Variants in UST observed in about 807,000 individuals in gnomAD.
UST encodes the protein uronyl 2-sulfotransferase, also known as chondroitin sulfate 2-O-sulfotransferase.
A neutral mutation model predicts 45.6 loss-of-function variants in UST; 21 were observed. The observed-to-expected ratio is 0.46, with a 90% CI of 0.33 to 0.66. The LOEUF is 0.66. Ranked by LOEUF, UST falls within the 30% of genes least tolerant of loss-of-function variation. UST has a pLI of 0.02. For synonymous variants in UST, 215 were observed against 200.6 expected, an observed-to-expected ratio of 1.07 and a Z score of -0.61; for missense variants, 463 against 512.4, an observed-to-expected ratio of 0.90 and a Z score of 0.93.
intron 1 of UST, among the ~76,000 whole-genome samples, chr6:148,885,895 G>A (rs1475043764): frequency 3.9e-5 from 6 of 152,140 alleles, no homozygotes; most frequent in African/African-American, 1.4e-4. Context: ...TTCTCTAGAG[G>A]TATTCTTGCA....
intron 1 of UST, among the ~76,000 whole-genome samples, chr6:148,763,005 T>C (rs1428841651): frequency 6.6e-6 from 1 of 152,238 alleles, no homozygotes; most frequent in African/African-American, 2.4e-5. Context: ...TTCTTTTCCT[T>C]CCCGTAGATA....
intron 5 of UST, among the ~76,000 whole-genome samples, chr6:148,985,965 C>A (rs1225967096): frequency 1.3e-5 from 2 of 152,198 alleles, no homozygotes; most frequent in African/African-American, 4.8e-5. Flanking sequence ...CATAGTAGAT[C>A]TGATTCCTAT....
intron 1 of UST, among the ~76,000 whole-genome samples, chr6:148,797,642 A>T (rs1776978265): frequency 6.6e-6 from 1 of 152,176 alleles, no homozygotes; most frequent in Non-Finnish European, 1.5e-5. Flanking sequence ...TATCCTTCGA[A>T]TGTTGTGGGA....
chr6:148,861,368 T>A (rs2114800542), intron 1 of UST, among the ~76,000 whole-genome samples: 1 of 152,290 alleles, frequency 6.6e-6, no homozygotes, highest in East Asian at 1.9e-4. Flanking sequence ...TTTTATTGTG[T>A]CTATTTGATT....
At chr6:149,049,923 T>A (rs879860030) in intron 7 of UST, among the ~76,000 whole-genome samples, 96 of 102,946 alleles carry the variant, frequency 9.3e-4, no homozygotes, top group African/African-American at 2.1e-3. Context: ...TCTCTCTCTC[T>A]CTCTCTCTCA....
intron 5 of UST, among the ~76,000 whole-genome samples, chr6:149,002,075 A>AAAGT (rs1350470823): frequency 6.6e-5 from 10 of 152,176 alleles, no homozygotes; most frequent in Non-Finnish European, 1.0e-4. Context: ...CTCAGTAATG[A>AAAGT]AAGTATCTTA....
chr6:148,851,617 G>A (rs548468547), intron 1 of UST, among the ~76,000 whole-genome samples: 3 of 152,286 alleles, frequency 2.0e-5, no homozygotes, highest in African/African-American at 7.2e-5. Flanking sequence ...GCTCAGCCAG[G>A]CGACCTTTAT....
At chr6:148,991,473 T>G (rs991687106) in intron 5 of UST, among the ~76,000 whole-genome samples, 5 of 151,350 alleles carry the variant, frequency 3.3e-5, no homozygotes, top group Non-Finnish European at 7.4e-5. Context: ...AACTCATCAT[T>G]TACATTAGGT....
chr6:149,045,235 G>T (rs1165269213), intron 7 of UST, among the ~76,000 whole-genome samples: 1 of 152,132 alleles, frequency 6.6e-6, no homozygotes, highest in Non-Finnish European at 1.5e-5. Flanking sequence ...TTTGAAATTT[G>T]TCATTTTTTG....
chr6:148,775,450 C>A (rs769873058), intron 1 of UST, among the ~76,000 whole-genome samples: 7 of 152,034 alleles, frequency 4.6e-5, no homozygotes, highest in Middle Eastern at 6.3e-3. Context: ...GTTAGAGCCA[C>A]CCCTCAGACT....
intron 7 of UST, among the ~76,000 whole-genome samples, chr6:149,028,952 T>A (rs1357738584): frequency 6.6e-6 from 1 of 152,182 alleles, no homozygotes; most frequent in Non-Finnish European, 1.5e-5. Flanking sequence ...AAAAACTGTT[T>A]TCCATGTGCA....
intron 5 of UST, among the ~76,000 whole-genome samples, chr6:149,004,847 T>A (rs574572409): frequency 1.6e-4 from 24 of 152,208 alleles, no homozygotes; most frequent in African/African-American, 5.3e-4. Context: ...TTTGTGTGTG[T>A]GAGAGAGACA....
At chr6:148,856,245 T>G (rs76007647) in intron 1 of UST, among the ~76,000 whole-genome samples, 1 of 152,150 alleles carries the variant, frequency 6.6e-6, no homozygotes, top group African/African-American at 2.4e-5. Flanking sequence ...CTTGAACTCC[T>G]GACCTCGTGA....
At chr6:148,824,349 T>C (rs949158615) in intron 1 of UST, among the ~76,000 whole-genome samples, 32 of 152,220 alleles carry the variant, frequency 2.1e-4, no homozygotes, top group Non-Finnish European at 3.8e-4. Flanking sequence ...TTGTGCAGTA[T>C]AGGTACAGTA....
chr6:149,032,030 G>T (rs755388618), intron 7 of UST, among the ~76,000 whole-genome samples: 5 of 152,320 alleles, frequency 3.3e-5, no homozygotes, highest in Non-Finnish European at 7.4e-5. Flanking sequence ...GCCCACGTCA[G>T]CCCCTGCCTG....
At position 148,925,906 on chromosome 6, in the gene UST, AC is replaced by A. The variant is rs372379583; in HGVS notation, c.292-15371del. 2.9e-3 allele frequency among the ~76,000 whole-genome samples: 444 copies of A among 152,346 alleles called. 2 individuals are homozygous for A. The highest frequency in any genetic ancestry group is 0.01 in the African/African-American group (423 of 41,574). ...TGGTTGTTATTGTTGTTTTAAGTAGACCACATACATTCACAGAAGGGAACTT... is the reference window on the plus strand; with the variant it reads ...TGGTTGTTATTGTTGTTTTAAGTAGACACATACATTCACAGAAGGGAACTT... On this transcript the variant is annotated intron_variant, in intron 2 of 7. Coordinates refer to ENST00000367463, the MANE Select transcript of UST (RefSeq NM_005715.3).
intron 7 of UST, among the ~76,000 whole-genome samples, chr6:149,059,426 A>G (rs775464843): frequency 6.6e-6 from 1 of 152,168 alleles, no homozygotes; most frequent in Non-Finnish European, 1.5e-5. Context: ...TGCGGCCATC[A>G]ATGCCACCTC....
chr6:148,953,515 G>A (rs529302172), intron 3 of UST, among the ~76,000 whole-genome samples: 11 of 152,296 alleles, frequency 7.2e-5, no homozygotes, highest in African/African-American at 2.2e-4. Context: ...AGGCGCGGAG[G>A]CTCACGCTTG....
chr6:149,019,453 G>C (rs1002976346), intron 6 of UST, among the ~76,000 whole-genome samples: 2 of 152,154 alleles, frequency 1.3e-5, no homozygotes, highest in African/African-American at 4.8e-5. Context: ...GGCCTCAGGA[G>C]ACCACCATAT....
Sources: allele counts gnomAD v4.1 joint callset (sites outside exome capture counted in the v4.1 genomes callset), GRCh38; gene constraint gnomAD v4.1.1; transcripts MANE v1.5; gene names NCBI Gene and HGNC (gene_info 2026-07-23, HGNC 2026-07-21).